DLG2: variants seen among roughly 807,000 people sequenced by gnomAD.
The protein encoded by DLG2 is discs large MAGUK scaffold protein 2.
In DLG2, 45 loss-of-function variants were observed where a neutral mutation model predicts 132.5. The ratio of observed to expected loss-of-function variants is 0.34; its 90% CI spans 0.27 to 0.44. The LOEUF (loss-of-function observed/expected upper bound fraction) is 0.44, where lower values mean the gene tolerates loss of function less well. DLG2 is among the 20% of genes least tolerant of loss of function. DLG2 has a pLI of 1.00. For synonymous variants in DLG2, 424 were observed against 419.6 expected, an observed-to-expected ratio of 1.01 and a Z score of -0.13; for missense variants, 1,045 against 1,196.9, an observed-to-expected ratio of 0.87 and a Z score of 1.87.
intron 6 of DLG2, among the ~76,000 whole-genome samples, chr11:85,036,215 T>C (rs1200810848): frequency 6.6e-6 from 1 of 152,236 alleles, no homozygotes; most frequent in African/African-American, 2.4e-5. Context: ...TGTTACCTTA[T>C]GAGAGGCTTT....
intron 18 of DLG2, among the ~76,000 whole-genome samples, chr11:83,701,669 T>C (rs944432231): frequency 2.6e-5 from 4 of 152,186 alleles, no homozygotes; most frequent in African/African-American, 7.2e-5. Flanking sequence ...AGGAGTATCA[T>C]AGAGAAGATG....
At chr11:84,012,619 CA>C (rs2094948532) in intron 11 of DLG2, among the ~76,000 whole-genome samples, 1 of 152,050 alleles carries the variant, frequency 6.6e-6, no homozygotes, top group Admixed American at 6.6e-5. Flanking sequence ...TTCAGAGTTT[CA>C]AAACAGAGTC....
intron 6 of DLG2, among the ~76,000 whole-genome samples, chr11:84,910,130 T>C (rs1320249150): frequency 6.6e-6 from 1 of 152,214 alleles, no homozygotes; most frequent in Admixed American, 6.5e-5. Context: ...ATCTTCCTAA[T>C]GAGAATGGGC....
chr11:85,424,436 G>A (rs535961285), intron 3 of DLG2, among the ~76,000 whole-genome samples: 24 of 152,212 alleles, frequency 1.6e-4, no homozygotes, highest in Admixed American at 3.3e-4. Flanking sequence ...CCTCCCATCC[G>A]CCATGACCCC....
intron 7 of DLG2, among the ~76,000 whole-genome samples, chr11:84,516,864 T>C (rs1271782763): frequency 2.0e-5 from 3 of 150,500 alleles, no homozygotes; most frequent in Non-Finnish European, 4.5e-5. Context: ...CATTAAAAAG[T>C]TTATTTGCTA....
chr11:83,874,438 C>T lies in DLG2; in HGVS notation c.1547G>A (p.Arg516Gln), dbSNP rs1174244081. The T allele has an allele frequency of 1.0e-5, 16 of 1,598,304 alleles. No homozygotes were observed. The highest frequency in any genetic ancestry group is 1.7e-5 in the Admixed American group (1 of 59,334). ...ATCTTACCCTTCCAGGGAGACGGCC[C>T]GTTGGAGAGTCATTGAAGGCTGACG... ...ATRQPSMTLQ[R>Q]AVSLEGEPRK... Residue 516 changes from arginine (R) to glutamine (Q), a missense_variant, in exon 16 of 28, where the codon CGG becomes CAG. Physicochemically the swap from Arg to Gln is conservative, Grantham distance 43. Around this residue, in one of 4 missense-constraint regions of DLG2, gnomAD observed 261 missense variants for 256.1 expected, o/e 1.02. Transcript: ENST00000376104.
At chr11:85,609,820 C>T (rs573705617) in intron 2 of DLG2, among the ~76,000 whole-genome samples, 10 of 152,150 alleles carry the variant, frequency 6.6e-5, no homozygotes, top group East Asian at 3.9e-4. Flanking sequence ...CTGTCCCAGA[C>T]GACTGTCCTC....
chr11:83,492,666 T>C (rs2093921988), intron 21 of DLG2, among the ~76,000 whole-genome samples: 1 of 152,066 alleles, frequency 6.6e-6, no homozygotes, highest in African/African-American at 2.4e-5. Context: ...ACTCTTCCAA[T>C]TACGCAGGCT....
chr11:83,842,438 A>G (rs924877411), intron 16 of DLG2, among the ~76,000 whole-genome samples: 3 of 151,162 alleles, frequency 2.0e-5, no homozygotes, highest in Non-Finnish European at 4.4e-5. Context: ...TACTAAAAAT[A>G]CAAAAATTAG....
At chr11:85,084,657 A>AT (rs1566815987) in intron 6 of DLG2, among the ~76,000 whole-genome samples, 2 of 152,146 alleles carry the variant, frequency 1.3e-5, no homozygotes, top group Non-Finnish European at 2.9e-5. Flanking sequence ...GAGCAGCTCT[A>AT]TATCGGTTGC....
chr11:85,583,130 G>GTGTATATATATATATA (rs1555190569), intron 3 of DLG2, among the ~76,000 whole-genome samples: 3 of 13,608 alleles, frequency 2.2e-4, no homozygotes, highest in African/African-American at 4.0e-4. Context: ...GTGTGTGTGT[G>GTGTATATATATATATA]TATATATATA....
At chr11:85,114,822 A>C (rs766264692) in intron 5 of DLG2, among the ~76,000 whole-genome samples, 4 of 151,950 alleles carry the variant, frequency 2.6e-5, no homozygotes, top group African/African-American at 9.7e-5. Flanking sequence ...TCCCTCCAAA[A>C]ACATGGGAAT....
chr11:84,282,692 G>A (rs2097864550), intron 7 of DLG2, among the ~76,000 whole-genome samples: 2 of 152,184 alleles, frequency 1.3e-5, no homozygotes, highest in Admixed American at 6.5e-5. Flanking sequence ...CTTCCAGCAG[G>A]AAGGGAGGCA....
At chr11:85,548,297 G>T (rs571780009) in intron 3 of DLG2, among the ~76,000 whole-genome samples, 1 of 152,286 alleles carries the variant, frequency 6.6e-6, no homozygotes, top group Admixed American at 6.5e-5. Context: ...GACCCTGTTT[G>T]CCTGGGTATC....
intron 3 of DLG2, among the ~76,000 whole-genome samples, chr11:85,316,904 A>C (rs72950187): frequency 0.03 from 4,513 of 151,872 alleles, 94 homozygotes; most frequent in Non-Finnish European, 0.046. Context: ...GGAGACACAA[A>C]ACTTATCAAA....
chr11:83,602,591 G>A lies in DLG2; in HGVS notation c.1940+30620C>T, dbSNP rs549411919. 8.9e-4 allele frequency among the ~76,000 whole-genome samples: 135 copies of A among 152,326 alleles called. 1 individual carries two copies. In the South Asian group the frequency reaches 9.1e-3, roughly 10 times the overall value. ...AATGGAGAGAATGGGGCCTGGGCCC[G>A]GCAGACTGAATCTGAATTTCAGAGC... On this transcript the variant is annotated intron_variant, in intron 19 of 27. Transcript: ENST00000376104.
Position 83,458,378 on chromosome 11 carries a change from A to G in DLG2, c.*1440T>C, listed in dbSNP as rs892295799. ...AACTTGGTCCAGGTGCAGCTCCAAGAAAGGCAGTTCAGTTGGTTGAGCTCA... is the reference window on the plus strand; with the variant it reads ...AACTTGGTCCAGGTGCAGCTCCAAGGAAGGCAGTTCAGTTGGTTGAGCTCA... On this transcript the variant is annotated 3_prime_UTR_variant, in exon 28 of 28. Transcript: ENST00000376104. 4 of 152,618 alleles carry G rather than the reference A, an allele frequency of 2.6e-5. No individual in the cohort carries two copies. The highest frequency in any genetic ancestry group is 5.9e-5 in the Non-Finnish European group (4 of 68,042). The allele number at this position is 152,618 out of a possible 1,614,324, so 9.5% of individuals were successfully genotyped here.
chr11:84,361,121 T>G lies in DLG2; in HGVS notation c.520-109830A>C, dbSNP rs541578263. Among the ~76,000 whole-genome samples the G allele has an allele frequency of 2.0e-5, 3 of 152,020 alleles. No homozygotes were observed. The South Asian group carries it at 6.2e-4, about 31-fold the overall frequency. On this transcript the variant is annotated intron_variant, in intron 7 of 27. Transcript: ENST00000376104. ...CAAAATGAACAGAGTGCCAGTGATA[T>G]GCTGAATGATACCAAGTACAGTCCT...
At chr11:83,919,289 G>A (rs2077446779) in intron 15 of DLG2, among the ~76,000 whole-genome samples, 1 of 152,108 alleles carries the variant, frequency 6.6e-6, no homozygotes, top group Non-Finnish European at 1.5e-5. Flanking sequence ...TTTCACTGAT[G>A]GTGAGAATAG....
Sources: allele counts gnomAD v4.1 joint callset (sites outside exome capture counted in the v4.1 genomes callset), GRCh38; gene constraint gnomAD v4.1.1; regional missense constraint gnomAD v4.1.1; transcripts MANE v1.5; gene names NCBI Gene and HGNC (gene_info 2026-07-23, HGNC 2026-07-21).